The following BNC2 variants were observed in gnomAD, a reference collection of about 807,000 sequenced individuals.
BNC2 encodes the protein zinc finger protein basonuclin-2.
BNC2 carries 20 observed loss-of-function variants against 76.3 expected under a neutral mutation model. That is an observed-to-expected ratio of 0.26 (90% confidence interval 0.18 to 0.38). The LOEUF is 0.38. BNC2 is among the 10% of genes least tolerant of loss of function. BNC2 has a pLI of 1.00. For synonymous variants in BNC2, 582 were observed against 514.8 expected, an observed-to-expected ratio of 1.13 and a Z score of -1.77; for missense variants, 1,382 against 1,399.8, an observed-to-expected ratio of 0.99 and a Z score of 0.20.
chr9:16,710,831 A>G (rs1823815537), intron 3 of BNC2, among the ~76,000 whole-genome samples: 1 of 151,944 alleles, frequency 6.6e-6, no homozygotes, highest in Non-Finnish European at 1.5e-5. Flanking sequence ...CCTTCATGCA[A>G]TCAACTTTTA....
At position 16,816,416 on chromosome 9, in the gene BNC2, C is replaced by T. The variant is rs182506791; in HGVS notation, c.3+54230G>A. On this transcript the variant is annotated intron_variant, in intron 1 of 6. Coordinates refer to ENST00000380672, the MANE Select transcript of BNC2 (RefSeq NM_017637.6). Reference sequence around the variant, plus strand: ...CTCTCTTCAGTAGAGAATACAAACACAGGCCAGTTCTGCGCTGTTAAATAC... The same window carrying T: ...CTCTCTTCAGTAGAGAATACAAACATAGGCCAGTTCTGCGCTGTTAAATAC... Among the ~76,000 whole-genome samples, 208 of 152,284 alleles carry T rather than the reference C, an allele frequency of 1.4e-3. 2 individuals carry two copies. Among genetic ancestry groups the T allele is most frequent in the Middle Eastern group, 3.4e-3 (1 of 294 alleles).
At chr9:16,532,143 G>C (rs968357627) in intron 5 of BNC2, among the ~76,000 whole-genome samples, 1 of 150,902 alleles carries the variant, frequency 6.6e-6, no homozygotes, top group African/African-American at 2.4e-5. Context: ...CCTTGATACT[G>C]GAGTGGCATT....
intron 3 of BNC2, among the ~76,000 whole-genome samples, chr9:16,611,271 A>G (rs1820538059): frequency 6.6e-6 from 1 of 152,208 alleles, no homozygotes; most frequent in Non-Finnish European, 1.5e-5. Flanking sequence ...CAAAGCATCC[A>G]TCCAGCCAGA....
chr9:16,790,248 C>T (rs538673955), intron 1 of BNC2, among the ~76,000 whole-genome samples: 8 of 152,308 alleles, frequency 5.3e-5, no homozygotes, highest in East Asian at 3.9e-4. Context: ...CCGCCCGCCT[C>T]GGCCTCCCAA....
chr9:16,714,863 A>G lies in BNC2; in HGVS notation c.330+12934T>C, dbSNP rs376859360. Among the ~76,000 whole-genome samples the G allele has an allele frequency of 3.9e-5, 6 of 152,348 alleles. No individual in the cohort carries two copies. The South Asian group carries it at 6.2e-4, about 16-fold the overall frequency. ...TAACTGATTTGCCTGGAGAATTTCA[A>G]TTATGAATAGATAATTTCTTTTAAA... On this transcript the variant is annotated intron_variant, in intron 3 of 6. Transcript: ENST00000380672.
At chr9:16,542,252 G>A (rs75862364) in intron 5 of BNC2, among the ~76,000 whole-genome samples, 3,347 of 152,132 alleles carry the variant, frequency 0.022, 138 homozygotes, top group African/African-American at 0.075. Context: ...CGATGAGTTC[G>A]AGCAGAAAAT....
chr9:16,721,818 A>G (rs111600429), intron 3 of BNC2, among the ~76,000 whole-genome samples: 16 of 152,182 alleles, frequency 1.1e-4, no homozygotes, highest in Admixed American at 2.0e-4. Flanking sequence ...TCTGGGGGGA[A>G]AAAGGAGTTA....
At chr9:16,608,535 CTTG>C (rs1025755682) in intron 3 of BNC2, among the ~76,000 whole-genome samples, 1 of 152,030 alleles carries the variant, frequency 6.6e-6, no homozygotes, top group Non-Finnish European at 1.5e-5. Context: ...GAGATAGACT[CTTG>C]TTGTGTCACT....
In BNC2 at chr9:16,557,998, C is replaced by A. The variant is rs139990070; in HGVS notation, c.434-5233G>T. The stretch of plus-strand genomic sequence containing the variant: ...AGCTAGGACTAGAGGTGCATGCCAC[C>A]ATACCCAGCTAATTTTTCTGTATTT... On this transcript the variant is annotated intron_variant, in intron 4 of 6. Coordinates refer to ENST00000380672, the MANE Select transcript of BNC2 (RefSeq NM_017637.6). Among the ~76,000 whole-genome samples, 24 of 152,192 alleles carry A rather than the reference C, an allele frequency of 1.6e-4. No homozygotes were observed. The East Asian group carries it at 4.7e-3, about 29-fold the overall frequency.
At chr9:16,721,785 A>G (rs556148269) in intron 3 of BNC2, among the ~76,000 whole-genome samples, 1 of 152,284 alleles carries the variant, frequency 6.6e-6, no homozygotes, top group Non-Finnish European at 1.5e-5. Context: ...TTTCTCTACA[A>G]CCACAAAGTT....
intron 5 of BNC2, among the ~76,000 whole-genome samples, chr9:16,506,989 A>G (rs1465689085): frequency 1.3e-5 from 2 of 152,076 alleles, no homozygotes; most frequent in Admixed American, 6.6e-5. Context: ...TCCTGACCTC[A>G]GTGATCTGCC....
intron 3 of BNC2, among the ~76,000 whole-genome samples, chr9:16,656,754 G>C (rs1321342526): frequency 1.3e-5 from 2 of 152,086 alleles, no homozygotes; most frequent in Admixed American, 6.5e-5. Flanking sequence ...GTTAACTGTA[G>C]GCAATATGTT....
intron 5 of BNC2, among the ~76,000 whole-genome samples, chr9:16,441,959 A>G (rs992416371): frequency 6.6e-6 from 1 of 152,198 alleles, no homozygotes; most frequent in African/African-American, 2.4e-5. Flanking sequence ...CGACCAACTC[A>G]TGCTGGGCCA....
intron 1 of BNC2, among the ~76,000 whole-genome samples, chr9:16,745,181 C>T (rs1196381289): frequency 6.6e-6 from 1 of 152,124 alleles, no homozygotes; most frequent in Non-Finnish European, 1.5e-5. Flanking sequence ...TGTAGCCAAG[C>T]GCCTAGCATA....
chr9:16,628,783 C>T (rs1821073861), intron 3 of BNC2, among the ~76,000 whole-genome samples: 1 of 152,168 alleles, frequency 6.6e-6, no homozygotes, highest in African/African-American at 2.4e-5. Context: ...TATTTTTACA[C>T]AAATGCACTT....
At chr9:16,548,058 C>G (rs1587155837) in intron 5 of BNC2, among the ~76,000 whole-genome samples, 1 of 152,200 alleles carries the variant, frequency 6.6e-6, no homozygotes, top group Admixed American at 6.5e-5. Flanking sequence ...ATCAATACCA[C>G]TCTTCTTATA....
chr9:16,694,593 C>G (rs189055010), intron 3 of BNC2, among the ~76,000 whole-genome samples: 20 of 152,198 alleles, frequency 1.3e-4, no homozygotes, highest in Admixed American at 1.3e-3. Flanking sequence ...GCCAGGGGAG[C>G]CTTTACCTTC....
chr9:16,465,756 C>A (rs562481340), intron 5 of BNC2, among the ~76,000 whole-genome samples: 50 of 152,220 alleles, frequency 3.3e-4, no homozygotes, highest in African/African-American at 1.0e-3. Flanking sequence ...AATTAGCTAT[C>A]TAAAAAAAGT....
At position 16,830,570 on chromosome 9, in the gene BNC2, G is replaced by A. The variant is rs142450820; in HGVS notation, c.3+40076C>T. ...TTTTTTCGCATTATTTTTGATCCAC[G>A]GTTGGTTGAATCTGCGGGCGCAGAA... On this transcript the variant is annotated intron_variant, in intron 1 of 6. Coordinates refer to ENST00000380672, the MANE Select transcript of BNC2 (RefSeq NM_017637.6). Among the ~76,000 whole-genome samples the A allele has an allele frequency of 3.4e-4, 52 of 152,236 alleles. No homozygotes were observed. In the East Asian group the frequency reaches 3.9e-3, roughly 11 times the overall value.
Sources: allele counts gnomAD v4.1 joint callset (sites outside exome capture counted in the v4.1 genomes callset), GRCh38; gene constraint gnomAD v4.1.1; transcripts MANE v1.5; gene names NCBI Gene and HGNC (gene_info 2026-07-23, HGNC 2026-07-21).